The following WWOX variants were observed in gnomAD, a reference collection of about 807,000 sequenced individuals.
The protein encoded by WWOX is WW domain-containing oxidoreductase.
A neutral mutation model predicts 46.2 loss-of-function variants in WWOX; 69 were observed. The ratio of observed to expected loss-of-function variants is 1.49; its 90% confidence interval spans 1.23 to 1.82. The LOEUF (loss-of-function observed/expected upper bound fraction) is 1.82, where lower values mean the gene tolerates loss of function less well. Ranked by LOEUF, WWOX falls within the 40% of genes most tolerant of loss-of-function variation. The pLI is 0.00. For synonymous variants in WWOX, 359 were observed against 202.6 expected, an observed-to-expected ratio of 1.77 and a Z score of -6.56; for missense variants, 919 against 542.6, an observed-to-expected ratio of 1.69 and a Z score of -6.89.
intron 5 of WWOX, among the ~76,000 whole-genome samples, chr16:78,325,838 A>T (rs950492201): frequency 1.3e-5 from 2 of 152,212 alleles, no homozygotes; most frequent in Admixed American, 1.3e-4. Context: ...ACTTGAACAC[A>T]CTCATTGGGA....
intron 5 of WWOX, among the ~76,000 whole-genome samples, chr16:78,202,768 T>A (rs1446975083): frequency 6.6e-6 from 1 of 150,470 alleles, no homozygotes; most frequent in East Asian, 2.0e-4. Flanking sequence ...TAGCTCAACC[T>A]CTCATTATAT....
At position 78,261,792 on chromosome 16, in the gene WWOX, A is replaced by G. The variant is rs62034052; in HGVS notation, c.516+97503A>G. 1.0e-3 allele frequency among the ~76,000 whole-genome samples: 70 copies of G among 68,932 alleles called. 1 individual carries two copies. The highest frequency in any genetic ancestry group is 4.6e-3 in the African/African-American group (68 of 14,878). The allele number at this position is 68,932 out of a possible 152,430, so 45.2% of individuals were successfully genotyped here. A position where few individuals can be genotyped will look rare whatever the true frequency, so the allele number is the denominator to read the frequency against. On this transcript the variant is annotated intron_variant, in intron 5 of 8. Coordinates refer to ENST00000566780, the MANE Select transcript of WWOX (RefSeq NM_016373.4). ...TCTATGTATCTATCTATCTATCTAT[A>G]TATATATATATATATATATATATAT...
intron 8 of WWOX, among the ~76,000 whole-genome samples, chr16:78,492,572 C>G (rs2084809848): frequency 6.6e-6 from 1 of 152,186 alleles, no homozygotes; most frequent in South Asian, 2.1e-4. Flanking sequence ...AAGCCCAGGA[C>G]CTGCCACTAG....
At chr16:78,530,528 TCTC>T (rs1157582353) in intron 8 of WWOX, among the ~76,000 whole-genome samples, 3 of 152,152 alleles carry the variant, frequency 2.0e-5, no homozygotes, top group African/African-American at 2.4e-5. Context: ...TCCAGCTGCT[TCTC>T]CTCTTTTCTT....
chr16:78,438,606 A>G (rs1255741528), intron 8 of WWOX, among the ~76,000 whole-genome samples: 2 of 152,136 alleles, frequency 1.3e-5, no homozygotes, highest in African/African-American at 4.8e-5. Context: ...GCAACCACAT[A>G]TTTGTGTTGG....
Position 78,425,130 on chromosome 16 carries a change from T to G in WWOX, c.791+75T>G. ...TAATATTCCCCCAAGGCTCTCATTC[T>G]GAAAATAATTTTCATTAGTCCTGCT... On this transcript the variant is annotated intron_variant, in intron 7 of 8. Transcript: ENST00000566780. 13 of 1,590,560 alleles carry G rather than the reference T, an allele frequency of 8.2e-6. No homozygotes were observed. The South Asian group carries it at 1.4e-4, about 18-fold the overall frequency.
chr16:78,537,783 G>C (rs2043794634), intron 8 of WWOX, among the ~76,000 whole-genome samples: 1 of 152,108 alleles, frequency 6.6e-6, no homozygotes, highest in Admixed American at 6.5e-5. Context: ...GTCTGGATTT[G>C]AAAGGGAGGT....
intron 8 of WWOX, among the ~76,000 whole-genome samples, chr16:78,927,530 A>G (rs1176100435): frequency 6.6e-6 from 1 of 152,170 alleles, no homozygotes; most frequent in East Asian, 1.9e-4. Context: ...CTCAATAGAT[A>G]TTTGATAAAT....
chr16:78,831,740 G>A (rs1276810992), intron 8 of WWOX, among the ~76,000 whole-genome samples: 1 of 152,204 alleles, frequency 6.6e-6, no homozygotes, highest in Non-Finnish European at 1.5e-5. Flanking sequence ...TAAGTACTCA[G>A]TAAATACTAG....
intron 5 of WWOX, among the ~76,000 whole-genome samples, chr16:78,335,824 A>T (rs1258198193): frequency 6.6e-6 from 1 of 151,992 alleles, no homozygotes; most frequent in East Asian, 1.9e-4. Context: ...GAGCATGATG[A>T]CTCACATTTG....
At chr16:78,716,365 A>G (rs1043882767) in intron 8 of WWOX, among the ~76,000 whole-genome samples, 1 of 152,118 alleles carries the variant, frequency 6.6e-6, no homozygotes, top group Non-Finnish European at 1.5e-5. Flanking sequence ...GGGTTCCGCA[A>G]CTGCAAAAGA....
chr16:78,727,570 C>A (rs780643977), intron 8 of WWOX, among the ~76,000 whole-genome samples: 10 of 152,162 alleles, frequency 6.6e-5, no homozygotes, highest in Non-Finnish European at 1.0e-4. Flanking sequence ...GAGTTCCAGT[C>A]CGTGGGGGCC....
At chr16:78,848,797 CTTT>C (rs34992827) in intron 8 of WWOX, among the ~76,000 whole-genome samples, 7 of 148,868 alleles carry the variant, frequency 4.7e-5, no homozygotes, top group African/African-American at 1.7e-4. Context: ...ACACAGAGAC[CTTT>C]TTTTTTTTTA....
chr16:78,526,931 G>A (rs1437141073), intron 8 of WWOX, among the ~76,000 whole-genome samples: 2 of 152,168 alleles, frequency 1.3e-5, no homozygotes, highest in Admixed American at 6.5e-5. Context: ...TTGGGAGGCC[G>A]AGGCAGGTGG....
chr16:79,002,272 G>A (rs536275286), intron 8 of WWOX, among the ~76,000 whole-genome samples: 5 of 132,710 alleles, frequency 3.8e-5, no homozygotes, highest in Non-Finnish European at 7.7e-5. Context: ...TGCCCAGGCT[G>A]GAGTGCAATG....
At chr16:79,071,467 A>G (rs1185887797) in intron 8 of WWOX, among the ~76,000 whole-genome samples, 1 of 152,150 alleles carries the variant, frequency 6.6e-6, no homozygotes, top group Admixed American at 6.5e-5. Flanking sequence ...CAATTACCCA[A>G]ACCAAGTTTC....
intron 5 of WWOX, among the ~76,000 whole-genome samples, chr16:78,368,987 TC>T (rs1266867679): frequency 6.6e-6 from 1 of 152,054 alleles, no homozygotes; most frequent in Non-Finnish European, 1.5e-5. Flanking sequence ...TTTCTCAGTC[TC>T]CCCATCTCCC....
intron 7 of WWOX, among the ~76,000 whole-genome samples, chr16:78,429,006 G>GT (rs992987796): frequency 1.4e-4 from 21 of 152,012 alleles, no homozygotes; most frequent in African/African-American, 3.1e-4. Context: ...GTGTTCCTTT[G>GT]TTTTTTTTAT....
chr16:78,630,270 C>T (rs117911303), intron 8 of WWOX, among the ~76,000 whole-genome samples: 52 of 152,252 alleles, frequency 3.4e-4, no homozygotes, highest in East Asian at 5.8e-4. Context: ...AGAGTTAGTA[C>T]AGCAGACTGT....
Sources: allele counts gnomAD v4.1 joint callset (sites outside exome capture counted in the v4.1 genomes callset), GRCh38; gene constraint gnomAD v4.1.1; transcripts MANE v1.5; gene names NCBI Gene and HGNC (gene_info 2026-07-23, HGNC 2026-07-21).